TXNDC11: variants seen among roughly 807,000 people sequenced by gnomAD.
TXNDC11 encodes thioredoxin domain containing 11.
A neutral mutation model predicts 78.0 loss-of-function variants in TXNDC11; 68 were observed. The observed-to-expected ratio is 0.87, with a 90% confidence interval of 0.72 to 1.07. The LOEUF is 1.07. TXNDC11 is among the 50% of genes least tolerant of loss of function. TXNDC11 has a pLI of 0.00. For synonymous variants in TXNDC11, 571 were observed against 495.2 expected (o/e 1.15, Z -2.03); for missense variants, 1,389 against 1,221.8 (o/e 1.14, Z -2.04).
intron 7 of TXNDC11, among the ~76,000 whole-genome samples, chr16:11,694,156 C>T (rs552176216): frequency 1.9e-4 from 26 of 133,450 alleles, no homozygotes; most frequent in Middle Eastern, 8.7e-3. Context: ...GTTGCCCAGG[C>T]CGGAGTACAA....
chr16:11,698,987 T>C (rs1339171799), intron 6 of TXNDC11, among the ~76,000 whole-genome samples: 1 of 152,258 alleles, frequency 6.6e-6, no homozygotes, highest in Non-Finnish European at 1.5e-5. Flanking sequence ...AACCAATGTA[T>C]GTGAACATAA....
chr16:11,735,924 T>A lies in TXNDC11; in HGVS notation c.471+93A>T, dbSNP rs532021838. 10 of 1,250,052 alleles carry A rather than the reference T, an allele frequency of 8.0e-6. No homozygotes were observed. In the South Asian group the frequency reaches 1.2e-4, roughly 15 times the overall value. The allele number at this position is 1,250,052 out of a possible 1,614,324, so 77.4% of individuals were successfully genotyped here. A position where few individuals can be genotyped will look rare whatever the true frequency, so the allele number is the denominator to read the frequency against. ...ACTCCTGGAGTTCACCTTGGCAAAG[T>A]CTGCCCGTTGGGCAAGGTGTCTCTG... On this transcript the variant is annotated intron_variant, in intron 2 of 11. Transcript: ENST00000283033.
At chr16:11,680,355 TG>T (rs879380746) in intron 11 of TXNDC11, among the ~76,000 whole-genome samples, 1 of 152,218 alleles carries the variant, frequency 6.6e-6, no homozygotes, top group Non-Finnish European at 1.5e-5. Flanking sequence ...GGTTCTCAAC[TG>T]GGGGTGACTG....
rs151088528 is a variant in TXNDC11, at chr16:11,726,004, T to C, written c.700-4334A>G. 4.6e-3 allele frequency among the ~76,000 whole-genome samples: 699 copies of C among 152,140 alleles called. 1 individual carries two copies. The highest frequency in any genetic ancestry group is 4.2e-3 in the Non-Finnish European group (285 of 67,988). On this transcript the variant is annotated intron_variant, in intron 4 of 11. Transcript: ENST00000283033. The stretch of plus-strand genomic sequence containing the variant: ...AATCCTTCAGCCTCAGCCTCCCAAG[T>C]AGAGCTGGGACTACAGGCATGTGCC...
In TXNDC11 at chr16:11,691,255, G is replaced by A. The variant is rs770782008; in HGVS notation, c.1900+35C>T. The stretch of plus-strand genomic sequence containing the variant: ...TTACCCATATGAAGTCAAGCAAAAT[G>A]TACAATGCTTGGGGAAATAAACTGC... On this transcript the variant is annotated intron_variant, in intron 8 of 11. Coordinates refer to ENST00000283033, the MANE Select transcript of TXNDC11 (RefSeq NM_015914.7). 5.1e-6 allele frequency: 8 copies of A among 1,553,512 alleles called. No individual in the cohort carries two copies. In the Admixed American group the frequency reaches 1.5e-4, roughly 30 times the overall value.
intron 1 of TXNDC11, among the ~76,000 whole-genome samples, chr16:11,738,336 G>GA (rs1239983267): frequency 1.3e-5 from 2 of 152,180 alleles, no homozygotes; most frequent in African/African-American, 2.4e-5. Flanking sequence ...TTCATAACCT[G>GA]AAAAAATCAC....
intron 1 of TXNDC11, among the ~76,000 whole-genome samples, chr16:11,738,352 C>G (rs1482139915): frequency 6.6e-6 from 1 of 152,226 alleles, no homozygotes. Flanking sequence ...ATCACTTACA[C>G]AATTATTCAA....
rs2051195683 is a variant in TXNDC11 at position 11,706,864 on chromosome 16, C to A, written c.794-6300G>T. Among the ~76,000 whole-genome samples the A allele has an allele frequency of 2.0e-5, 3 of 152,118 alleles. No homozygotes were observed. The South Asian group carries it at 6.2e-4, about 32-fold the overall frequency. On this transcript the variant is annotated intron_variant, in intron 5 of 11. Transcript: ENST00000283033. ...TATATGACTACAGCTGACCCTTGAA[C>A]AACATGGGTTTGAACTGCGTGGGTC...
intron 5 of TXNDC11, among the ~76,000 whole-genome samples, chr16:11,718,185 C>T (rs181397823): frequency 7.7e-4 from 117 of 152,172 alleles, no homozygotes; most frequent in Middle Eastern, 3.4e-3. Context: ...ATGGTACTCT[C>T]GCAAATTATT....
intron 6 of TXNDC11, 31 bp downstream of exon 6, chr16:11,700,421 G>T: frequency 9.1e-7 from 1 of 1,096,376 alleles, no homozygotes; most frequent in Non-Finnish European, 1.4e-6. Flanking sequence ...GAACCACTGC[G>T]CTAACATAAA....
At chr16:11,734,981 C>T (rs1366527407) in intron 2 of TXNDC11, among the ~76,000 whole-genome samples, 1 of 152,198 alleles carries the variant, frequency 6.6e-6, no homozygotes, top group Non-Finnish European at 1.5e-5. Flanking sequence ...TCGTCCATAG[C>T]ATTCCAGAGG....
Position 11,691,747 on chromosome 16 carries a change from G to A in TXNDC11, c.1443C>T (p.Thr481=), listed in dbSNP as rs144335621. ...TGCTGTCTGATGCCACATGATAAAA[G>A]GTCTGCTCCTTGAGGTAGAAAGAAT... ...ALDSFYLKEQ[T]FYHVASDSIE... The change falls in exon 8 of 12, where the codon ACC becomes ACT. Residue 481 remains threonine (T), a synonymous_variant. Coordinates refer to ENST00000283033, the MANE Select transcript of TXNDC11 (RefSeq NM_015914.7). The A allele has an allele frequency of 6.2e-7, 1 of 1,614,198 alleles. No individual in the cohort carries two copies. Among genetic ancestry groups the A allele is most frequent in the Non-Finnish European group, 8.5e-7 (1 of 1,180,034 alleles).
rs1206621658 is a variant in TXNDC11 at position 11,691,835 on chromosome 16, C to A, written c.1355G>T (p.Gly452Val). ...CELCVNQTSG[G>V]MKPSSVSVPQ... ...CACGCTGACCGAGCTCGGCTTCATG[C>A]CCCCGGAGGTCTGGTTGACACAGAG... The change falls in exon 8 of 12, where the codon GGC (glycine) becomes GTC (valine). Residue 452 changes from glycine (G) to valine (V), a missense_variant. Transcript: ENST00000283033. 1.2e-6 allele frequency: 2 copies of A among 1,614,254 alleles called. No individual in the cohort carries two copies. The highest frequency in any genetic ancestry group is 1.7e-6 in the Non-Finnish European group (2 of 1,180,038).
In TXNDC11 at chr16:11,679,686, G is replaced by T. The variant is rs368328746; in HGVS notation, c.2386C>A (p.Gln796Lys). The T allele has an allele frequency of 6.8e-6, 11 of 1,614,108 alleles. No individual in the cohort carries two copies. The highest frequency in any genetic ancestry group is 9.3e-6 in the Non-Finnish European group (11 of 1,180,052). ...KECLQSEAVL[Q>K]RGHISHLERE... ...TCCAAGTGGGAGATGTGCCCCCGCT[G>T]TAAGACTGCCTCGCTCTGAAGACAC... Residue 796 changes from glutamine to lysine, a missense_variant, in exon 12 of 12, where the codon CAG becomes AAG. Physicochemically the swap from Gln to Lys is moderately conservative, Grantham distance 53 (BLOSUM62 1). Transcript: ENST00000283033. This position sits in a 1 kb window ranked among gnomAD's most constrained non-coding sequence, Gnocchi z 4.6.
intron 7 of TXNDC11, among the ~76,000 whole-genome samples, chr16:11,694,967 G>A (rs182824077): frequency 1.0e-3 from 156 of 152,278 alleles, no homozygotes; most frequent in African/African-American, 3.2e-3. Context: ...CTTTAATCAG[G>A]GAAATCTGTG....
Position 11,742,697 on chromosome 16 carries a change from TGCTGCC to T in TXNDC11, c.28_33del (p.Gly10_Ser11del). On this transcript the variant is annotated inframe_deletion, in exon 1 of 12. Coordinates refer to ENST00000283033, the MANE Select transcript of TXNDC11 (RefSeq NM_015914.7). ...TCGTCCTCGGCGTCCTCGCTGCTGC[TGCTGCC>T]GCCGCCGCGGCCTCCGCATTCCGAC... The T allele has an allele frequency of 6.8e-7, 1 of 1,479,616 alleles. No homozygotes were observed. The highest frequency in any genetic ancestry group is 8.9e-7 in the Non-Finnish European group (1 of 1,125,000). The allele number at this position is 1,479,616 out of a possible 1,614,324, so 91.7% of individuals were successfully genotyped here.
intron 3 of TXNDC11, among the ~76,000 whole-genome samples, chr16:11,732,142 TAAGAAGGTTGGAC>T (rs2052074710): frequency 6.6e-6 from 1 of 152,280 alleles, no homozygotes; most frequent in Middle Eastern, 3.4e-3. Flanking sequence ...ATCTGTAAAA[TAAGAAGGTTGGAC>T]ACATTTCTAA....
At chr16:11,737,335 C>A (rs1473998062) in intron 1 of TXNDC11, among the ~76,000 whole-genome samples, 2 of 151,566 alleles carry the variant, frequency 1.3e-5, no homozygotes, top group African/African-American at 4.9e-5. Context: ...ATCCCAGCTT[C>A]TCGGGAAGCT....
rs762550168 is a variant in TXNDC11 at position 11,721,567 on chromosome 16, C to A, written c.793+10G>T. ...GAAGTAACAATGTCTTAATATGAAT[C>A]ATTTTTTACCTTTCTTTAATGAATG... is the stretch of plus-strand genomic sequence containing the variant. On this transcript the variant is annotated intron_variant, in intron 5 of 11. Coordinates refer to ENST00000283033, the MANE Select transcript of TXNDC11 (RefSeq NM_015914.7). The A allele has an allele frequency of 6.5e-7, 1 of 1,532,760 alleles. No homozygotes were observed. The highest frequency in any genetic ancestry group is 9.0e-7 in the Non-Finnish European group (1 of 1,109,924). The allele number at this position is 1,532,760 out of a possible 1,614,324, so 94.9% of individuals were successfully genotyped here. A position where few individuals can be genotyped will look rare whatever the true frequency, so the allele number is the denominator to read the frequency against.
Sources: gnomAD v4.1 joint callset for allele counts (sites outside exome capture counted in the v4.1 genomes callset) on GRCh38, gnomAD v4.1.1 for gene constraint, Gnocchi (gnomAD v3.1) non-coding constraint, MANE v1.5 for transcripts, NCBI Gene and HGNC (gene_info 2026-07-23, HGNC 2026-07-21) for gene names.